Variants in GNG7 observed in about 807,000 individuals in gnomAD.
The protein encoded by GNG7 is guanine nucleotide-binding protein G(I)/G(S)/G(O) subunit gamma-7.
In GNG7, 1 loss-of-function variant was observed where a neutral mutation model predicts 4.0. The observed-to-expected ratio is 0.25, with a 90% CI of 0.09 to 1.18. GNG7 has a LOEUF of 1.18. Among genes scored for constraint, GNG7 ranks in the 50% most tolerant of loss-of-function variants. GNG7 has a pLI of 0.50. For missense variants in GNG7, 86 were observed against 91.9 expected, an observed-to-expected ratio of 0.94 and a Z score of 0.26; for synonymous variants, 34 against 36.9, an observed-to-expected ratio of 0.92 and a Z score of 0.29.
In GNG7 at chr19:2,609,371, T is replaced by A. The variant is rs1487290069; in HGVS notation, c.-78+36853A>T. Among the ~76,000 whole-genome samples the A allele has an allele frequency of 6.6e-6, 1 of 151,912 alleles. No individual in the cohort carries two copies. Among genetic ancestry groups the A allele is most frequent in the East Asian group, 1.9e-4 (1 of 5,190 alleles). ...TGTTATTTCATCTTGGTCGCTGAGG[T>A]TTTTTAGCGCCCCCTTCAATTTTGT... is the stretch of plus-strand genomic sequence containing the variant. On this transcript the variant is annotated intron_variant, in intron 2 of 4. Transcript: ENST00000382159. The surrounding 1 kb of genome is among the most constrained non-coding windows in gnomAD (Gnocchi z 4.4).
intron 1 of GNG7, among the ~76,000 whole-genome samples, chr19:2,674,548 G>C (rs1226093768): frequency 6.6e-6 from 1 of 152,128 alleles, no homozygotes; most frequent in Non-Finnish European, 1.5e-5. Flanking sequence ...CGATCCTCCT[G>C]CCTCAACCTC....
Position 2,525,959 on chromosome 19 carries a change from G to GCCTC in GNG7, c.-37-5238_-37-5235dup, listed in dbSNP as rs1294521369. 7.6e-5 allele frequency among the ~76,000 whole-genome samples: 7 copies of GCCTC among 92,042 alleles called. No homozygotes were observed. The Admixed American group carries it at 8.4e-4, about 11-fold the overall frequency. 60.4% of individuals were successfully genotyped at this position (92,042 alleles called of 152,430 possible). ...CGAGTGGCTGGGATTACAGGTGCCT[G>GCCTC]CCTCCACGCCAATTTTTTTTTTTTT... is the stretch of plus-strand genomic sequence containing the variant. On this transcript the variant is annotated intron_variant, in intron 3 of 4. Coordinates refer to ENST00000382159, the MANE Select transcript of GNG7 (RefSeq NM_052847.3).
At chr19:2,553,952 AAT>A (rs369883963) in intron 3 of GNG7, among the ~76,000 whole-genome samples, 3,874 of 142,158 alleles carry the variant, frequency 0.027, 154 homozygotes, top group East Asian at 0.1. Flanking sequence ...TATTATATGT[AAT>A]ATATATTACA....
Position 2,618,342 on chromosome 19 carries a change from GGTGTGTGTGT to G in GNG7, c.-78+27872_-78+27881del, listed in dbSNP as rs35982775. Among the ~76,000 whole-genome samples, 8 of 146,502 alleles carry G rather than the reference GGTGTGTGTGT, an allele frequency of 5.5e-5. No individual in the cohort carries two copies. The highest frequency in any genetic ancestry group is 1.5e-4 in the African/African-American group (6 of 39,962). On this transcript the variant is annotated intron_variant, in intron 2 of 4. Transcript: ENST00000382159. The surrounding 1 kb of genome is among the most constrained non-coding windows in gnomAD (Gnocchi z 5.1). ...TTCTCTTTTCTACCTGTATGTGTGT[GGTGTGTGTGT>G]GTGTGTGTGTGTGTGTGTGTGTATC...
At chr19:2,553,863 T>C (rs1410250268) in intron 3 of GNG7, among the ~76,000 whole-genome samples, 1 of 138,258 alleles carries the variant, frequency 7.2e-6, no homozygotes, top group Non-Finnish European at 1.6e-5. Flanking sequence ...ACATATTATA[T>C]GTAACATTGC....
At chr19:2,568,952 T>C (rs1215400607) in intron 2 of GNG7, among the ~76,000 whole-genome samples, 1 of 149,942 alleles carries the variant, frequency 6.7e-6, no homozygotes, top group African/African-American at 2.4e-5. Flanking sequence ...CACACAAATA[T>C]ACGCATACAG....
intron 2 of GNG7, among the ~76,000 whole-genome samples, chr19:2,565,821 G>A (rs114274835): frequency 0.05 from 7,667 of 152,202 alleles, 619 homozygotes; most frequent in African/African-American, 0.17. Context: ...TGTGCTCAGC[G>A]CTTCTGCAGG....
rs561024939 is a variant in GNG7 at position 2,598,429 on chromosome 19, G to A, written c.-77-43241C>T. Among the ~76,000 whole-genome samples, 19 of 151,310 alleles carry A rather than the reference G, an allele frequency of 1.3e-4. No individual in the cohort carries two copies. In the East Asian group the frequency reaches 1.9e-3, roughly 16 times the overall value. On this transcript the variant is annotated intron_variant, in intron 2 of 4. Coordinates refer to ENST00000382159, the MANE Select transcript of GNG7 (RefSeq NM_052847.3). ...TCCCAGCACTTTGGGAGGCCGAGGC[G>A]GGCGGATCACGAGGTCAGGAGATCG...
intron 4 of GNG7, 87 bp from the exon 5 acceptor site, chr19:2,515,234 A>G: frequency 6.5e-7 from 1 of 1,543,810 alleles, no homozygotes; most frequent in Non-Finnish European, 8.8e-7. Flanking sequence ...CCCAAGAGCC[A>G]CAGGCGGAAA....
chr19:2,623,017 G>T (rs1173085695), intron 2 of GNG7, among the ~76,000 whole-genome samples: 2 of 152,178 alleles, frequency 1.3e-5, no homozygotes, highest in Non-Finnish European at 2.9e-5. Context: ...GCCACTTTCC[G>T]GCTAAGGTCC....
intron 1 of GNG7, among the ~76,000 whole-genome samples, chr19:2,687,383 G>A (rs1465744780): frequency 6.6e-5 from 10 of 152,066 alleles, no homozygotes; most frequent in Admixed American, 4.6e-4. Flanking sequence ...TTGGGAGGCC[G>A]AGGCGGGTGG....
intron 1 of GNG7, among the ~76,000 whole-genome samples, chr19:2,677,035 C>T (rs544345667): frequency 6.6e-6 from 1 of 152,168 alleles, no homozygotes; most frequent in South Asian, 2.1e-4. Flanking sequence ...TCTAAAGGGA[C>T]TCCATATCTT....
intron 3 of GNG7, among the ~76,000 whole-genome samples, chr19:2,535,755 T>C (rs1378679368): frequency 6.6e-6 from 1 of 152,180 alleles, no homozygotes; most frequent in Non-Finnish European, 1.5e-5. Flanking sequence ...TAGAACACGG[T>C]ACACTCGGAA....
chr19:2,691,064 C>CT (rs1278654064), intron 1 of GNG7, among the ~76,000 whole-genome samples: 2 of 152,120 alleles, frequency 1.3e-5, no homozygotes, highest in Admixed American at 1.3e-4. Flanking sequence ...GAATGTACCA[C>CT]TGTGGTACGG....
chr19:2,572,742 A>G (rs1980188645), intron 2 of GNG7, among the ~76,000 whole-genome samples: 1 of 151,280 alleles, frequency 6.6e-6, no homozygotes, highest in African/African-American at 2.4e-5. Context: ...TGCAGACATG[A>G]ACCAGCATGC....
At chr19:2,540,428 A>C (rs1458297341) in intron 3 of GNG7, among the ~76,000 whole-genome samples, 1 of 152,212 alleles carries the variant, frequency 6.6e-6, no homozygotes, top group African/African-American at 2.4e-5. Flanking sequence ...CTGGGATTAC[A>C]GACGGAGCCT....
intron 2 of GNG7, among the ~76,000 whole-genome samples, chr19:2,571,368 C>T (rs1039684017): frequency 1.3e-5 from 2 of 152,030 alleles, no homozygotes; most frequent in Admixed American, 6.6e-5. Context: ...TTGTTGGACA[C>T]GTGGGCAAAG....
intron 2 of GNG7, among the ~76,000 whole-genome samples, chr19:2,603,281 G>A (rs1388118609): frequency 6.6e-6 from 1 of 152,148 alleles, no homozygotes; most frequent in African/African-American, 2.4e-5. Context: ...TAGCCAGGGT[G>A]ATCTCGATCT....
At chr19:2,636,650 C>T (rs1174585455) in intron 2 of GNG7, among the ~76,000 whole-genome samples, 1 of 152,164 alleles carries the variant, frequency 6.6e-6, no homozygotes, top group East Asian at 1.9e-4. Context: ...TCCTGCCACG[C>T]ACAACACCCA....
Sources: allele counts gnomAD v4.1 joint callset (sites outside exome capture counted in the v4.1 genomes callset), GRCh38; gene constraint gnomAD v4.1.1; non-coding constraint Gnocchi (gnomAD v3.1); transcripts MANE v1.5; gene names NCBI Gene and HGNC (gene_info 2026-07-23, HGNC 2026-07-21).